CNTN4: variants seen among roughly 807,000 people sequenced by gnomAD.
CNTN4 encodes contactin-4.
In CNTN4, 77 loss-of-function variants were observed where a neutral mutation model predicts 122.5. The observed-to-expected ratio is 0.63, with a 90% CI of 0.52 to 0.76. CNTN4 has a LOEUF of 0.76. CNTN4 is among the 30% of genes least tolerant of loss of function. The pLI, the probability that CNTN4 is intolerant of heterozygous loss-of-function variation, is 0.00. For missense variants in CNTN4, 1,256 were observed against 1,259.1 expected (o/e 1.00, Z 0.04); for synonymous variants, 512 against 447.0 (o/e 1.15, Z -1.83).
intron 6 of CNTN4, among the ~76,000 whole-genome samples, chr3:2,757,634 C>G (rs1159483811): frequency 6.6e-6 from 1 of 152,180 alleles, no homozygotes; most frequent in East Asian, 1.9e-4. Flanking sequence ...GGAGTAGGCT[C>G]TAACATAAAC....
intron 23 of CNTN4, among the ~76,000 whole-genome samples, chr3:3,052,356 T>C (rs1039106118): frequency 3.3e-5 from 5 of 152,168 alleles, no homozygotes; most frequent in Admixed American, 1.3e-4. Flanking sequence ...TTGACAAACA[T>C]GTCTGCAGAC....
At chr3:2,943,248 G>C (rs2094634620) in intron 13 of CNTN4, among the ~76,000 whole-genome samples, 1 of 152,158 alleles carries the variant, frequency 6.6e-6, no homozygotes, top group South Asian at 2.1e-4. Context: ...AAGCTACAGA[G>C]AGTCTCAAGT....
intron 2 of CNTN4, among the ~76,000 whole-genome samples, chr3:2,198,694 A>G (rs1322464835): frequency 1.3e-5 from 2 of 152,188 alleles, no homozygotes; most frequent in Non-Finnish European, 2.9e-5. Context: ...TTCATAGAAT[A>G]TACTCGAGAC....
chr3:3,025,227 A>C (rs1698628287), intron 14 of CNTN4, among the ~76,000 whole-genome samples: 1 of 152,104 alleles, frequency 6.6e-6, no homozygotes, highest in Non-Finnish European at 1.5e-5. Flanking sequence ...TTAAACTATA[A>C]TGTAAAGGGT....
chr3:2,677,203 A>G (rs1378977843), intron 4 of CNTN4, among the ~76,000 whole-genome samples: 1 of 150,106 alleles, frequency 6.7e-6, no homozygotes, highest in African/African-American at 2.4e-5. Context: ...ATCTCTCTCT[A>G]TATATGTATA....
chr3:2,719,828 C>G (rs778803652), intron 4 of CNTN4, among the ~76,000 whole-genome samples: 11 of 152,120 alleles, frequency 7.2e-5, no homozygotes, highest in African/African-American at 9.7e-5. Flanking sequence ...AAAGACCTTC[C>G]AGAAGAACCA....
At chr3:2,156,360 T>C (rs762960402) in intron 2 of CNTN4, among the ~76,000 whole-genome samples, 3 of 152,096 alleles carry the variant, frequency 2.0e-5, no homozygotes, top group Non-Finnish European at 2.9e-5. Context: ...GTGGGGTCTG[T>C]GCATAAACCT....
chr3:2,569,576 A>C (rs1310203540), intron 3 of CNTN4, among the ~76,000 whole-genome samples: 2 of 152,288 alleles, frequency 1.3e-5, no homozygotes, highest in Non-Finnish European at 2.9e-5. Flanking sequence ...ACAAGTTGAG[A>C]CCACAGTAAC....
intron 13 of CNTN4, among the ~76,000 whole-genome samples, chr3:2,984,452 T>C (rs891641824): frequency 2.0e-5 from 3 of 152,218 alleles, no homozygotes. Context: ...CCAGTGGGTA[T>C]AGGCCAGGGA....
chr3:2,954,161 C>A (rs193244997), intron 13 of CNTN4, among the ~76,000 whole-genome samples: 3 of 152,306 alleles, frequency 2.0e-5, no homozygotes, highest in Admixed American at 2.0e-4. Flanking sequence ...AGTTTTCATT[C>A]AGAAACCTTA....
intron 2 of CNTN4, among the ~76,000 whole-genome samples, chr3:2,205,703 T>A (rs1490303019): frequency 1.3e-5 from 2 of 152,094 alleles, no homozygotes; most frequent in African/African-American, 4.8e-5. Flanking sequence ...CTTTTCTGCC[T>A]TTGAGTCCAA....
At chr3:2,242,985 A>G (rs1330578857) in intron 2 of CNTN4, among the ~76,000 whole-genome samples, 1 of 152,132 alleles carries the variant, frequency 6.6e-6, no homozygotes, top group South Asian at 2.1e-4. Flanking sequence ...TCTTCTTAAA[A>G]TATTTCAGCT....
At chr3:2,802,170 A>G (rs2092363608) in intron 6 of CNTN4, among the ~76,000 whole-genome samples, 1 of 152,212 alleles carries the variant, frequency 6.6e-6, no homozygotes, top group Non-Finnish European at 1.5e-5. Context: ...AGTAACATGT[A>G]TCCAGTGCCC....
intron 6 of CNTN4, among the ~76,000 whole-genome samples, chr3:2,801,152 C>A (rs1405939383): frequency 1.3e-5 from 2 of 152,140 alleles, no homozygotes; most frequent in East Asian, 1.9e-4. Context: ...TTGTTGTGTT[C>A]CATGACCTTA....
At chr3:2,148,746 T>A (rs73015061) in intron 2 of CNTN4, among the ~76,000 whole-genome samples, 2 of 152,124 alleles carry the variant, frequency 1.3e-5, no homozygotes, top group Non-Finnish European at 2.9e-5. Context: ...CCTCCTTCCA[T>A]GTAACTAGAT....
intron 13 of CNTN4, among the ~76,000 whole-genome samples, chr3:2,964,587 G>A (rs1248587375): frequency 3.9e-5 from 6 of 152,066 alleles, no homozygotes; most frequent in African/African-American, 2.4e-5. Context: ...GAGATTGTGT[G>A]TTTCTTATAA....
intron 14 of CNTN4, among the ~76,000 whole-genome samples, chr3:3,003,035 C>G (rs1308084757): frequency 6.6e-6 from 1 of 152,082 alleles, no homozygotes; most frequent in Non-Finnish European, 1.5e-5. Flanking sequence ...GATGATCTTG[C>G]CAGGCTGAAT....
chr3:2,573,113 C>T (rs868155908), intron 4 of CNTN4, among the ~76,000 whole-genome samples: 6 of 152,116 alleles, frequency 3.9e-5, no homozygotes, highest in Admixed American at 6.5e-5. Context: ...AAACCGAAGC[C>T]GACTATAGTC....
At chr3:2,531,497 C>G (rs975771785) in intron 3 of CNTN4, among the ~76,000 whole-genome samples, 8 of 152,254 alleles carry the variant, frequency 5.3e-5, no homozygotes, top group African/African-American at 1.9e-4. Context: ...GCTGTTACCC[C>G]TAGCTTGTTA....
Sources: allele counts gnomAD v4.1 joint callset (sites outside exome capture counted in the v4.1 genomes callset), GRCh38; gene constraint gnomAD v4.1.1; transcripts MANE v1.5; gene names NCBI Gene and HGNC (gene_info 2026-07-23, HGNC 2026-07-21).